Variants in ZFAND3 observed in about 807,000 individuals in gnomAD.
The protein encoded by ZFAND3 is AN1-type zinc finger protein 3.
ZFAND3 carries 10 observed loss-of-function variants against 29.6 expected under a neutral mutation model. The observed-to-expected ratio is 0.34, with a 90% CI of 0.21 to 0.57. The LOEUF is 0.57. Among genes scored for constraint, ZFAND3 ranks in the 20% least tolerant of loss-of-function variants. The pLI is 0.86. For missense variants in ZFAND3, 230 were observed against 304.5 expected, an observed-to-expected ratio of 0.76 and a Z score of 1.82; for synonymous variants, 128 against 112.6, an observed-to-expected ratio of 1.14 and a Z score of -0.87.
intron 2 of ZFAND3, among the ~76,000 whole-genome samples, chr6:37,975,594 G>A (rs1415645338): frequency 2.0e-5 from 3 of 152,088 alleles, no homozygotes; most frequent in African/African-American, 7.2e-5. Context: ...TATATGATAT[G>A]GAGGTATACA....
chr6:37,820,026 C>T lies in ZFAND3; in HGVS notation c.71+10C>T, dbSNP rs968861530. 21 of 862,258 alleles carry T rather than the reference C, an allele frequency of 2.4e-5. No homozygotes were observed. Among genetic ancestry groups the T allele is most frequent in the Non-Finnish European group, 3.2e-5 (21 of 662,820 alleles). 53.4% of individuals were successfully genotyped at this position (862,258 alleles called of 1,614,324 possible). A position where few individuals can be genotyped will look rare whatever the true frequency, so the allele number is the denominator to read the frequency against. Reference sequence around the variant, plus strand: ...CCTGCGGCTTCTGGGGGTAAGTGCCCGGCCGGGTGGGGGCGGGGGGCGGGG... The same window carrying T: ...CCTGCGGCTTCTGGGGGTAAGTGCCTGGCCGGGTGGGGGCGGGGGGCGGGG... On this transcript the variant is annotated intron_variant, in intron 1 of 5. Transcript: ENST00000287218.
At chr6:37,910,255 C>T (rs1765495566) in intron 1 of ZFAND3, among the ~76,000 whole-genome samples, 1 of 152,118 alleles carries the variant, frequency 6.6e-6, no homozygotes, top group African/African-American at 2.4e-5. Flanking sequence ...TTGTAAAATG[C>T]AGATAATACC....
chr6:37,955,960 G>T (rs1490692912), intron 2 of ZFAND3, among the ~76,000 whole-genome samples: 2 of 152,188 alleles, frequency 1.3e-5, no homozygotes, highest in African/African-American at 4.8e-5. Flanking sequence ...GCCTGTGCTT[G>T]TGGGTGTGGG....
At chr6:37,989,048 A>G (rs1320048748) in intron 2 of ZFAND3, among the ~76,000 whole-genome samples, 2 of 152,066 alleles carry the variant, frequency 1.3e-5, no homozygotes, top group Non-Finnish European at 2.9e-5. Flanking sequence ...CTGGGATTAC[A>G]GGCACCTGCC....
At chr6:37,949,306 GGTT>G (rs2127420002) in intron 2 of ZFAND3, among the ~76,000 whole-genome samples, 1 of 152,156 alleles carries the variant, frequency 6.6e-6, no homozygotes, top group South Asian at 2.1e-4. Flanking sequence ...GGGGTTATGT[GGTT>G]GTTGTTAATT....
chr6:37,838,264 G>T (rs1282848053), intron 1 of ZFAND3, among the ~76,000 whole-genome samples: 1 of 152,054 alleles, frequency 6.6e-6, no homozygotes, highest in Non-Finnish European at 1.5e-5. Context: ...TAAAGTTGTT[G>T]TTTTGTTCCT....
intron 2 of ZFAND3, among the ~76,000 whole-genome samples, chr6:38,046,580 T>C (rs2127458278): frequency 6.6e-6 from 1 of 152,364 alleles, no homozygotes; most frequent in African/African-American, 2.4e-5. Context: ...AATAATTTGT[T>C]TTCTCTGTTT....
intron 2 of ZFAND3, among the ~76,000 whole-genome samples, chr6:38,005,591 G>A (rs929039703): frequency 2.6e-5 from 4 of 152,138 alleles, no homozygotes; most frequent in African/African-American, 9.7e-5. Context: ...CAAGTCATTT[G>A]AGCTACCTGA....
chr6:38,032,764 G>A (rs1763586204), intron 2 of ZFAND3, among the ~76,000 whole-genome samples: 1 of 152,206 alleles, frequency 6.6e-6, no homozygotes, highest in African/African-American at 2.4e-5. Flanking sequence ...TGCCTGCACA[G>A]TAGATGCCAT....
intron 5 of ZFAND3, among the ~76,000 whole-genome samples, chr6:38,146,249 C>A (rs540937222): frequency 1.3e-5 from 2 of 152,274 alleles, no homozygotes; most frequent in African/African-American, 4.8e-5. Flanking sequence ...AAACCTTCCC[C>A]CCAGATCACA....
intron 2 of ZFAND3, among the ~76,000 whole-genome samples, chr6:37,954,143 T>A (rs1762046202): frequency 6.6e-6 from 1 of 152,190 alleles, no homozygotes; most frequent in South Asian, 2.1e-4. Context: ...TGGGTGCTTT[T>A]AAAATTTTCT....
rs188710549 is a variant in ZFAND3 at position 37,853,754 on chromosome 6, C to G, written c.71+33738C>G. Among the ~76,000 whole-genome samples, 67 of 152,044 alleles carry G rather than the reference C, an allele frequency of 4.4e-4. No individual in the cohort carries two copies. In the East Asian group the frequency reaches 0.012, roughly 28 times the overall value. On this transcript the variant is annotated intron_variant, in intron 1 of 5. Transcript: ENST00000287218. ...AGAAGTAGGAAGAAAATACTAAAAC[C>G]CCTAAGAATCTAAACTATTTTATTA...
intron 1 of ZFAND3, among the ~76,000 whole-genome samples, chr6:37,897,970 C>G (rs899064537): frequency 3.3e-5 from 5 of 152,162 alleles, no homozygotes; most frequent in Admixed American, 1.3e-4. Context: ...TGTATTGCAG[C>G]TATCTTCTCC....
At chr6:37,946,631 T>G (rs1179041812) in intron 2 of ZFAND3, among the ~76,000 whole-genome samples, 3 of 152,184 alleles carry the variant, frequency 2.0e-5, no homozygotes, top group Non-Finnish European at 2.9e-5. Context: ...TTTTACTAAT[T>G]TCCCTTGAAT....
Position 38,008,859 on chromosome 6 carries a change from G to GT in ZFAND3, c.113-52733dup, listed in dbSNP as rs1022309586. 2.7e-5 allele frequency among the ~76,000 whole-genome samples: 4 copies of GT among 150,624 alleles called. No homozygotes were observed. In the East Asian group the frequency reaches 7.7e-4, roughly 29 times the overall value. On this transcript the variant is annotated intron_variant, in intron 2 of 5. Coordinates refer to ENST00000287218, the MANE Select transcript of ZFAND3 (RefSeq NM_021943.3). ...AGATTTGTTCAGTGTGCTGTGATCT[G>GT]TAAAAAAAAAAAATCACAATGGGAT...
At chr6:38,107,859 TGATTGATTGATG>T in intron 4 of ZFAND3, among the ~76,000 whole-genome samples, 1 of 152,078 alleles carries the variant, frequency 6.6e-6, no homozygotes, top group South Asian at 2.1e-4. Flanking sequence ...ATTGATTGCT[TGATTGATTGATG>T]AAGGAAAGAA....
chr6:38,139,357 A>G (rs1765903172), intron 5 of ZFAND3, among the ~76,000 whole-genome samples: 2 of 152,182 alleles, frequency 1.3e-5, no homozygotes, highest in Admixed American at 1.3e-4. Flanking sequence ...GATTTTATGA[A>G]ATCTAGCCAA....
At chr6:37,997,676 G>A (rs1762874393) in intron 2 of ZFAND3, among the ~76,000 whole-genome samples, 2 of 152,154 alleles carry the variant, frequency 1.3e-5, no homozygotes, top group Non-Finnish European at 2.9e-5. Flanking sequence ...GAGGTGCTTT[G>A]CTTTCCTCAT....
chr6:37,855,964 C>T (rs897121957), intron 1 of ZFAND3, among the ~76,000 whole-genome samples: 2 of 151,842 alleles, frequency 1.3e-5, no homozygotes, highest in Admixed American at 1.3e-4. Flanking sequence ...TCCTTGCTCT[C>T]ACTTTTAGAC....
Sources: gnomAD v4.1 joint callset for allele counts (sites outside exome capture counted in the v4.1 genomes callset) on GRCh38, gnomAD v4.1.1 for gene constraint, MANE v1.5 for transcripts, NCBI Gene and HGNC (gene_info 2026-07-23, HGNC 2026-07-21) for gene names.